The following LRMDA variants were observed in gnomAD, a reference collection of about 807,000 sequenced individuals.
LRMDA encodes the protein leucine-rich melanocyte differentiation-associated protein.
LRMDA carries 18 observed loss-of-function variants against 29.8 expected under a neutral mutation model. The ratio of observed to expected loss-of-function variants is 0.60; its 90% CI spans 0.42 to 0.90. The LOEUF is 0.90. Among genes scored for constraint, LRMDA ranks in the 40% least tolerant of loss-of-function variants. LRMDA has a pLI of 0.00. For missense variants in LRMDA, 273 were observed against 273.9 expected, an observed-to-expected ratio of 1.00 and a Z score of 0.02; for synonymous variants, 125 against 109.4, an observed-to-expected ratio of 1.14 and a Z score of -0.89.
At chr10:75,764,672 CAGAT>C (rs1355086488) in intron 2 of LRMDA, among the ~76,000 whole-genome samples, 4 of 152,170 alleles carry the variant, frequency 2.6e-5, no homozygotes, top group Admixed American at 6.5e-5. Flanking sequence ...GGCTAACAGA[CAGAT>C]AGACGGGAGA....
chr10:75,866,220 C>T (rs907297903), intron 2 of LRMDA, among the ~76,000 whole-genome samples: 7 of 152,232 alleles, frequency 4.6e-5, no homozygotes, highest in African/African-American at 1.7e-4. Context: ...TTTTGCTTTT[C>T]TGCAGCCAGT....
At position 75,803,750 on chromosome 10, in the gene LRMDA, G is replaced by C. The variant is rs374348769; in HGVS notation, c.132-232258G>C. 1.2e-4 allele frequency among the ~76,000 whole-genome samples: 18 copies of C among 152,300 alleles called. No individual in the cohort carries two copies. In the East Asian group the frequency reaches 1.9e-3, roughly 16 times the overall value. On this transcript the variant is annotated intron_variant, in intron 2 of 6. Coordinates refer to ENST00000611255, the MANE Select transcript of LRMDA (RefSeq NM_001305581.2). ...TGATTGTGAAACATAATTTAGCATT[G>C]CTAAGAGGCTGTCTTTTCAGGAGCA...
intron 2 of LRMDA, among the ~76,000 whole-genome samples, chr10:75,840,366 G>A (rs1432512785): frequency 6.6e-6 from 1 of 152,154 alleles, no homozygotes; most frequent in African/African-American, 2.4e-5. Context: ...AAAGCATTTT[G>A]TGAACTCTGA....
At chr10:76,372,208 T>C (rs141663961) in intron 6 of LRMDA, among the ~76,000 whole-genome samples, 1 of 152,268 alleles carries the variant, frequency 6.6e-6, no homozygotes, top group African/African-American at 2.4e-5. Flanking sequence ...TACCAAGCCA[T>C]CTGAGTACAC....
intron 2 of LRMDA, among the ~76,000 whole-genome samples, chr10:75,714,843 C>T (rs567333733): frequency 9.9e-4 from 137 of 139,050 alleles, no homozygotes; most frequent in African/African-American, 3.6e-3. Context: ...CTTTCCCTCC[C>T]TCCCTCCCTC....
intron 5 of LRMDA, among the ~76,000 whole-genome samples, chr10:76,203,329 C>A (rs749939175): frequency 1.3e-5 from 2 of 152,166 alleles, no homozygotes; most frequent in Non-Finnish European, 2.9e-5. Context: ...ATAGAGACTG[C>A]GTCTCACTCA....
chr10:76,179,617 G>A (rs896858623), intron 5 of LRMDA, among the ~76,000 whole-genome samples: 7 of 152,264 alleles, frequency 4.6e-5, no homozygotes, highest in Admixed American at 1.3e-4. Context: ...CATTTGAACC[G>A]TTTCCACACT....
At chr10:75,791,458 G>A (rs950508256) in intron 2 of LRMDA, among the ~76,000 whole-genome samples, 4 of 152,092 alleles carry the variant, frequency 2.6e-5, no homozygotes, top group Non-Finnish European at 5.9e-5. Flanking sequence ...TAAATACCAA[G>A]GGGAATAGGA....
At chr10:76,506,141 C>A (rs1018690249) in intron 6 of LRMDA, among the ~76,000 whole-genome samples, 13 of 152,128 alleles carry the variant, frequency 8.5e-5, no homozygotes, top group African/African-American at 2.4e-4. Context: ...CTTTGAAAAT[C>A]TGTTCAAAAT....
intron 5 of LRMDA, among the ~76,000 whole-genome samples, chr10:76,096,516 GTATA>G (rs1849313345): frequency 6.6e-6 from 1 of 152,002 alleles, no homozygotes. Context: ...CTTAATCACT[GTATA>G]GTGTATTTTG....
rs954612958 is a variant in LRMDA, at chr10:76,397,215, C to A, written c.601+72730C>A. Among the ~76,000 whole-genome samples, 13 of 152,140 alleles carry A rather than the reference C, an allele frequency of 8.5e-5. 1 individual carries two copies. Among genetic ancestry groups the A allele is most frequent in the Admixed American group, 6.5e-4 (10 of 15,280 alleles). ...AATCGGTCAAGCCATTGCTACCAAC[C>A]AGACCAGGGTGGAGAAGGAGGCCGG... On this transcript the variant is annotated intron_variant, in intron 6 of 6. Coordinates refer to ENST00000611255, the MANE Select transcript of LRMDA (RefSeq NM_001305581.2).
In LRMDA at chr10:75,655,906, C is replaced by T. The variant is rs78705359; in HGVS notation, c.131+217412C>T. ...ACCTGCACATCCCTCATCCCACTGTCTCTCTCCAGCCTGTCCCCTCTGTGA... is the reference window on the plus strand; with the variant it reads ...ACCTGCACATCCCTCATCCCACTGTTTCTCTCCAGCCTGTCCCCTCTGTGA... On this transcript the variant is annotated intron_variant, in intron 2 of 6. Transcript: ENST00000611255. Among the ~76,000 whole-genome samples, 830 of 152,240 alleles carry T rather than the reference C, an allele frequency of 5.5e-3. 12 individuals carry two copies. Among genetic ancestry groups the T allele is most frequent in the African/African-American group, 0.019 (793 of 41,538 alleles).
intron 2 of LRMDA, among the ~76,000 whole-genome samples, chr10:75,975,418 G>A (rs547290093): frequency 4.9e-4 from 74 of 152,194 alleles, no homozygotes; most frequent in Non-Finnish European, 8.2e-4. Context: ...CAGTAAAACA[G>A]CAGTGAATTG....
intron 2 of LRMDA, among the ~76,000 whole-genome samples, chr10:75,581,404 A>C (rs547748735): frequency 6.6e-6 from 1 of 152,240 alleles, no homozygotes; most frequent in Non-Finnish European, 1.5e-5. Flanking sequence ...ATCATTAAAA[A>C]GTCAGGAAAC....
chr10:75,793,016 C>A (rs1843595271), intron 2 of LRMDA, among the ~76,000 whole-genome samples: 1 of 152,192 alleles, frequency 6.6e-6, no homozygotes, highest in South Asian at 2.1e-4. Context: ...GCTCTGTGTA[C>A]AAGAGAATGA....
chr10:76,211,784 T>C (rs1476708665), intron 5 of LRMDA, among the ~76,000 whole-genome samples: 1 of 152,230 alleles, frequency 6.6e-6, no homozygotes, highest in Non-Finnish European at 1.5e-5. Context: ...TTGTTGTTGG[T>C]GAGAACTGGC....
chr10:75,947,913 A>C (rs1052805603), intron 2 of LRMDA, among the ~76,000 whole-genome samples: 3 of 152,190 alleles, frequency 2.0e-5, no homozygotes, highest in African/African-American at 7.2e-5. Context: ...TGGATTCTGT[A>C]GATAAAGTTC....
chr10:75,674,650 T>C (rs1841939835), intron 2 of LRMDA, among the ~76,000 whole-genome samples: 3 of 152,210 alleles, frequency 2.0e-5, no homozygotes, highest in Admixed American at 2.0e-4. Context: ...ACTTGCAGTA[T>C]TGAGGTTACT....
intron 2 of LRMDA, among the ~76,000 whole-genome samples, chr10:75,758,307 C>T (rs1843056794): frequency 6.6e-6 from 1 of 152,200 alleles, no homozygotes; most frequent in Admixed American, 6.5e-5. Flanking sequence ...TTTGAAAAGT[C>T]GGAAACTAAG....
Sources: gnomAD v4.1 joint callset for allele counts (sites outside exome capture counted in the v4.1 genomes callset) on GRCh38, gnomAD v4.1.1 for gene constraint, MANE v1.5 for transcripts, NCBI Gene and HGNC (gene_info 2026-07-23, HGNC 2026-07-21) for gene names.